DDHD1: variants seen among roughly 807,000 people sequenced by gnomAD.
DDHD1 encodes the protein phospholipase DDHD1.
Under a neutral mutation model 96.4 loss-of-function variants are expected in DDHD1, and 49 were observed. The ratio of observed to expected loss-of-function variants is 0.51; its 90% CI spans 0.40 to 0.64. The LOEUF (loss-of-function observed/expected upper bound fraction) is 0.64, where lower values mean the gene tolerates loss of function less well. Among genes scored for constraint, DDHD1 ranks in the 30% least tolerant of loss-of-function variants. The pLI is 0.00. For synonymous variants in DDHD1, 442 were observed against 446.5 expected (o/e 0.99, Z 0.13); for missense variants, 1,106 against 1,161.2 (o/e 0.95, Z 0.69).
intron 1 of DDHD1, among the ~76,000 whole-genome samples, chr14:53,118,684 G>T (rs1353786989): frequency 4.1e-4 from 62 of 152,320 alleles, no homozygotes; most frequent in Non-Finnish European, 2.1e-4. Flanking sequence ...ATCTATGTTT[G>T]ATTGGTGTAC....
intron 3 of DDHD1, chr14:53,092,934 C>T (rs4901342): frequency 0.73 from 114,916 of 156,578 alleles, 45,089 homozygotes; most frequent in East Asian, 0.96. Context: ...CAACCCATGC[C>T]GATCTGGTTT....
intron 1 of DDHD1, among the ~76,000 whole-genome samples, chr14:53,151,617 G>C (rs139111884): frequency 6.6e-6 from 1 of 152,268 alleles, no homozygotes; most frequent in East Asian, 1.9e-4. Context: ...GCATAGAAAT[G>C]GTAATTTTTC....
intron 1 of DDHD1, among the ~76,000 whole-genome samples, chr14:53,145,137 G>C (rs992024595): frequency 7.2e-5 from 11 of 152,128 alleles, no homozygotes; most frequent in Admixed American, 5.9e-4. Context: ...ACAACGGAGG[G>C]AGACTCCATC....
chr14:53,065,922 T>C (rs553862326), intron 6 of DDHD1, among the ~76,000 whole-genome samples: 2 of 152,356 alleles, frequency 1.3e-5, no homozygotes, highest in South Asian at 2.1e-4. Flanking sequence ...AATAAGTCTA[T>C]TAAAAATATG....
At position 53,152,366 on chromosome 14, in the gene DDHD1, C is replaced by G; in HGVS notation, c.733G>C (p.Glu245Gln). 2 of 1,613,818 alleles carry G rather than the reference C, an allele frequency of 1.2e-6. No homozygotes were observed. Among genetic ancestry groups the G allele is most frequent in the Non-Finnish European group, 1.7e-6 (2 of 1,179,976 alleles). Reference sequence around the variant, plus strand: ...TTCACAAGCTCCACCATCTCCGGCTCGTGCCCCGTCGTACTCTGGCAGAAG... The same window carrying G: ...TTCACAAGCTCCACCATCTCCGGCTGGTGCCCCGTCGTACTCTGGCAGAAG... ...CGFCQSTTGH[E>Q]PEMVELVNIE... Residue 245 changes from glutamate to glutamine, a missense_variant, in exon 1 of 13, where the codon GAG becomes CAG. Transcript: ENST00000673822.
intron 4 of DDHD1, among the ~76,000 whole-genome samples, chr14:53,074,365 A>T (rs1884776377): frequency 6.6e-6 from 1 of 151,796 alleles, no homozygotes; most frequent in Non-Finnish European, 1.5e-5. Context: ...TTAGTATTAC[A>T]ATTAGTATTA....
intron 12 of DDHD1, among the ~76,000 whole-genome samples, chr14:53,051,262 A>G (rs1001745356): frequency 6.6e-6 from 1 of 151,980 alleles, no homozygotes; most frequent in Non-Finnish European, 1.5e-5. Flanking sequence ...ATAATTTTAA[A>G]CTGCTAAAGT....
At chr14:53,121,270 G>C (rs1311474922) in intron 1 of DDHD1, among the ~76,000 whole-genome samples, 1 of 152,174 alleles carries the variant, frequency 6.6e-6, no homozygotes, top group African/African-American at 2.4e-5. Context: ...TTATTAAAAA[G>C]TCAGGAAACA....
At chr14:53,100,866 T>A (rs1887244202) in intron 2 of DDHD1, among the ~76,000 whole-genome samples, 1 of 152,230 alleles carries the variant, frequency 6.6e-6, no homozygotes, top group African/African-American at 2.4e-5. Context: ...CTACTCACTT[T>A]ATTCCAAATA....
At position 53,078,724 on chromosome 14, in the gene DDHD1, A is replaced by G. The variant is rs561387168; in HGVS notation, c.1290-4877T>C. On this transcript the variant is annotated intron_variant, in intron 4 of 12. Coordinates refer to ENST00000673822, the MANE Select transcript of DDHD1 (RefSeq NM_001160148.2). ...TTTTCTTGCTTAATTGCTCTGGCTG[A>G]AACGTACAGTACAATGCTGAACAGA... is the stretch of plus-strand genomic sequence containing the variant. Among the ~76,000 whole-genome samples, 3 of 152,296 alleles carry G rather than the reference A, an allele frequency of 2.0e-5. No individual in the cohort carries two copies. The East Asian group carries it at 5.8e-4, about 29-fold the overall frequency.
chr14:53,109,141 T>C (rs1887918577), intron 1 of DDHD1, among the ~76,000 whole-genome samples: 1 of 152,026 alleles, frequency 6.6e-6, no homozygotes, highest in Admixed American at 6.6e-5. Flanking sequence ...CTTTCATTTC[T>C]CTAGAAGCCT....
chr14:53,083,523 G>T, intron 4 of DDHD1, among the ~76,000 whole-genome samples: 1 of 152,196 alleles, frequency 6.6e-6, no homozygotes, highest in African/African-American at 2.4e-5. Flanking sequence ...GAACAAAGGT[G>T]ATTGAAGCTA....
chr14:53,050,602 T>C (rs1016174812), intron 12 of DDHD1, among the ~76,000 whole-genome samples: 2 of 152,148 alleles, frequency 1.3e-5, no homozygotes, highest in Non-Finnish European at 2.9e-5. Flanking sequence ...GTTTATGCTC[T>C]TTAGAAAATA....
chr14:53,058,571 C>T lies in DDHD1; in HGVS notation c.1898G>A (p.Gly633Asp), dbSNP rs866589598. The change falls in exon 9 of 13, where the codon GGC (glycine) becomes GAC (aspartate). Residue 633 changes from glycine to aspartate, a missense_variant. Around this residue, in one of 2 missense-constraint regions of DDHD1, gnomAD observed 650 missense variants for 758.8 expected, o/e 0.86. Coordinates refer to ENST00000673822, the MANE Select transcript of DDHD1 (RefSeq NM_001160148.2). The part of the protein sequence containing the change: ...SPLAVFLALR[G>D]IRPGNTGSQD... The stretch of plus-strand genomic sequence containing the variant: ...ACTTCCAGTATTTCCTGGGCGGATG[C>T]CACGCAACGCCAAGAAAACTGCTAA... 2 of 1,613,274 alleles carry T rather than the reference C, an allele frequency of 1.2e-6. No individual in the cohort carries two copies. The highest frequency in any genetic ancestry group is 1.7e-6 in the Non-Finnish European group (2 of 1,179,670).
intron 1 of DDHD1, among the ~76,000 whole-genome samples, chr14:53,119,052 T>C (rs1221897844): frequency 6.6e-6 from 1 of 152,168 alleles, no homozygotes; most frequent in Non-Finnish European, 1.5e-5. Flanking sequence ...AATCTCATAT[T>C]CAGCCAAACT....
At chr14:53,138,760 T>C (rs1040592900) in intron 1 of DDHD1, among the ~76,000 whole-genome samples, 2 of 152,176 alleles carry the variant, frequency 1.3e-5, no homozygotes, top group African/African-American at 2.4e-5. Flanking sequence ...GTGTGGGCTA[T>C]AGTAAGAGTA....
At chr14:53,145,682 C>T (rs1890933412) in intron 1 of DDHD1, among the ~76,000 whole-genome samples, 1 of 151,974 alleles carries the variant, frequency 6.6e-6, no homozygotes, top group Non-Finnish European at 1.5e-5. Context: ...TACATTCTAG[C>T]ACATAAAAGC....
rs574793416 is a variant in DDHD1 at position 53,059,632 on chromosome 14, G to A, written c.1843-1006C>T. ...TGTAATCCCAGCACTTTGGGAGGCCGTGGCGGGCGGATCACGAGGTCAGGA... is the reference window on the plus strand; with the variant it reads ...TGTAATCCCAGCACTTTGGGAGGCCATGGCGGGCGGATCACGAGGTCAGGA... On this transcript the variant is annotated intron_variant, in intron 8 of 12. Transcript: ENST00000673822. Among the ~76,000 whole-genome samples the A allele has an allele frequency of 4.6e-4, 69 of 148,514 alleles. 1 individual carries two copies. Among genetic ancestry groups the A allele is most frequent in the African/African-American group, 1.5e-3 (61 of 41,148 alleles).
intron 1 of DDHD1, among the ~76,000 whole-genome samples, chr14:53,150,268 T>C (rs1891253529): frequency 6.6e-6 from 1 of 152,230 alleles, no homozygotes; most frequent in East Asian, 1.9e-4. Context: ...TGTAAGACTC[T>C]GTCTTAAATT....
Sources: gnomAD v4.1 joint callset for allele counts (sites outside exome capture counted in the v4.1 genomes callset) on GRCh38, gnomAD v4.1.1 for gene constraint, gnomAD v4.1.1 regional missense constraint, MANE v1.5 for transcripts, NCBI Gene and HGNC (gene_info 2026-07-23, HGNC 2026-07-21) for gene names.